Variants in EXOC6B observed in about 807,000 individuals in gnomAD.
The protein encoded by EXOC6B is exocyst complex component 6B.
EXOC6B carries 54 observed loss-of-function variants against 113.5 expected under a neutral mutation model. The observed-to-expected ratio is 0.48, with a 90% CI of 0.38 to 0.60. The LOEUF (loss-of-function observed/expected upper bound fraction) is 0.60. Ranked by LOEUF, EXOC6B falls within the 20% of genes least tolerant of loss-of-function variation. EXOC6B has a pLI of 0.00. For missense variants in EXOC6B, 797 were observed against 977.5 expected (o/e 0.82, Z 2.46); for synonymous variants, 357 against 339.0 (o/e 1.05, Z -0.58).
intron 18 of EXOC6B, among the ~76,000 whole-genome samples, chr2:72,437,012 G>A (rs762909917): frequency 2.6e-5 from 4 of 152,148 alleles, no homozygotes; most frequent in East Asian, 1.9e-4. Flanking sequence ...GCATTTTTGC[G>A]TTAGTTTTTC....
intron 21 of EXOC6B, among the ~76,000 whole-genome samples, chr2:72,182,497 T>C (rs1195407081): frequency 6.6e-6 from 1 of 152,056 alleles, no homozygotes; most frequent in African/African-American, 2.4e-5. Flanking sequence ...GGGTCTTCTA[T>C]AAGAGATGCA....
intron 20 of EXOC6B, among the ~76,000 whole-genome samples, chr2:72,191,437 C>T (rs1298998609): frequency 6.6e-6 from 1 of 152,144 alleles, no homozygotes; most frequent in Non-Finnish European, 1.5e-5. Flanking sequence ...ACAAAGTAGA[C>T]AAGTGGTAGA....
At chr2:72,610,997 A>G (rs1483299818) in intron 6 of EXOC6B, among the ~76,000 whole-genome samples, 1 of 152,110 alleles carries the variant, frequency 6.6e-6, no homozygotes, top group Non-Finnish European at 1.5e-5. Flanking sequence ...TCAAAAATCC[A>G]TATCCCACTC....
At chr2:72,272,838 A>G (rs1684578111) in intron 20 of EXOC6B, among the ~76,000 whole-genome samples, 1 of 152,338 alleles carries the variant, frequency 6.6e-6, no homozygotes, top group Admixed American at 6.5e-5. Context: ...CTATTAGATT[A>G]GAATGATTAA....
intron 17 of EXOC6B, among the ~76,000 whole-genome samples, chr2:72,470,216 G>A (rs1698310482): frequency 6.6e-6 from 1 of 152,036 alleles, no homozygotes; most frequent in Admixed American, 6.6e-5. Flanking sequence ...TATAAGTATG[G>A]TATTTCTTTC....
chr2:72,711,861 G>C (rs982074163), intron 6 of EXOC6B, among the ~76,000 whole-genome samples: 2 of 152,122 alleles, frequency 1.3e-5, no homozygotes, highest in African/African-American at 4.8e-5. Flanking sequence ...AGGTGGGACA[G>C]AACAGGAGAT....
chr2:72,804,625 C>T (rs1685478811), intron 1 of EXOC6B, among the ~76,000 whole-genome samples: 1 of 151,506 alleles, frequency 6.6e-6, no homozygotes, highest in Non-Finnish European at 1.5e-5. Context: ...GATGGAGTTT[C>T]GCTCTTGTCA....
intron 18 of EXOC6B, among the ~76,000 whole-genome samples, chr2:72,457,195 A>G (rs631550): frequency 0.14 from 20,655 of 152,016 alleles, 1,722 homozygotes; most frequent in African/African-American, 0.24. Context: ...TTTGTACTTA[A>G]TGGGAGTACT....
chr2:72,687,095 G>T (rs148850157), intron 6 of EXOC6B, among the ~76,000 whole-genome samples: 1 of 150,364 alleles, frequency 6.7e-6, no homozygotes, highest in Non-Finnish European at 1.5e-5. Flanking sequence ...CCAAGATCAC[G>T]CCACTGCACT....
At chr2:72,781,258 T>A in intron 1 of EXOC6B, among the ~76,000 whole-genome samples, 1 of 152,124 alleles carries the variant, frequency 6.6e-6, no homozygotes, top group Admixed American at 6.5e-5. Flanking sequence ...AGCAAACCGA[T>A]TTTTTTTAAT....
chr2:72,451,409 T>C (rs565758336), intron 18 of EXOC6B, among the ~76,000 whole-genome samples: 1 of 152,178 alleles, frequency 6.6e-6, no homozygotes, highest in South Asian at 2.1e-4. Flanking sequence ...CAAAAAATAG[T>C]AGGCCAATAA....
intron 18 of EXOC6B, among the ~76,000 whole-genome samples, chr2:72,404,820 C>T (rs754939353): frequency 5.3e-5 from 8 of 152,144 alleles, no homozygotes; most frequent in Non-Finnish European, 1.0e-4. Flanking sequence ...TCCAAAGCAA[C>T]GCAGCTCCTC....
At chr2:72,477,004 C>A (rs1013409115) in intron 17 of EXOC6B, among the ~76,000 whole-genome samples, 7 of 152,100 alleles carry the variant, frequency 4.6e-5, no homozygotes, top group African/African-American at 1.7e-4. Flanking sequence ...AAAGGTGGAA[C>A]CTCATCCTCT....
chr2:72,466,911 T>C (rs1278414354), intron 17 of EXOC6B, among the ~76,000 whole-genome samples: 1 of 152,212 alleles, frequency 6.6e-6, no homozygotes, highest in African/African-American at 2.4e-5. Flanking sequence ...TTATTAACTA[T>C]AATCATCATG....
chr2:72,773,053 A>G (rs1683490986), intron 1 of EXOC6B, among the ~76,000 whole-genome samples: 1 of 151,970 alleles, frequency 6.6e-6, no homozygotes, highest in Non-Finnish European at 1.5e-5. Flanking sequence ...ACAACATGGT[A>G]ACTATAGTTA....
intron 20 of EXOC6B, among the ~76,000 whole-genome samples, chr2:72,271,385 T>C (rs1684472400): frequency 6.6e-6 from 1 of 152,100 alleles, no homozygotes; most frequent in African/African-American, 2.4e-5. Context: ...GCAGTATCTC[T>C]TGAGGAGGAG....
intron 20 of EXOC6B, among the ~76,000 whole-genome samples, chr2:72,301,708 C>T (rs1234079233): frequency 6.6e-6 from 1 of 151,990 alleles, no homozygotes; most frequent in Non-Finnish European, 1.5e-5. Flanking sequence ...TTTGTTGTTT[C>T]CTATTGCTAT....
intron 6 of EXOC6B, among the ~76,000 whole-genome samples, chr2:72,649,179 T>G (rs1279263960): frequency 6.6e-6 from 1 of 152,030 alleles, no homozygotes; most frequent in African/African-American, 2.4e-5. Context: ...ATGGAGATAA[T>G]AGAATGATGT....
At position 72,401,642 on chromosome 2, in the gene EXOC6B, T is replaced by C. The variant is rs1355794066; in HGVS notation, c.1981-21772A>G. Among the ~76,000 whole-genome samples the C allele has an allele frequency of 1.0e-3, 51 of 50,468 alleles. 4 individuals are homozygous for C. The highest frequency in any genetic ancestry group is 1.5e-3 in the Non-Finnish European group (48 of 32,484). The allele number at this position is 50,468 out of a possible 152,430, so 33.1% of individuals were successfully genotyped here. A position where few individuals can be genotyped will look rare whatever the true frequency, so the allele number is the denominator to read the frequency against. ...ATATACATATATATATATATACATA[T>C]ATACATATATATATATATATATATG... On this transcript the variant is annotated intron_variant, in intron 18 of 21. Coordinates refer to ENST00000272427, the MANE Select transcript of EXOC6B (RefSeq NM_015189.3).
Sources: gnomAD v4.1 joint callset for allele counts (sites outside exome capture counted in the v4.1 genomes callset) on GRCh38, gnomAD v4.1.1 for gene constraint, MANE v1.5 for transcripts, NCBI Gene and HGNC (gene_info 2026-07-23, HGNC 2026-07-21) for gene names.